EED: variants seen among roughly 807,000 people sequenced by gnomAD.
EED encodes the protein polycomb protein EED.
Under a neutral mutation model 61.0 loss-of-function variants are expected in EED, and 9 were observed. That is an observed-to-expected ratio of 0.15 (90% CI 0.09 to 0.26). The LOEUF (loss-of-function observed/expected upper bound fraction) is 0.26, where lower values mean the gene tolerates loss of function less well. EED is among the 10% of genes least tolerant of loss of function. The probability of loss-of-function intolerance (pLI) is 1.00; values close to 1 mark genes in which losing one functional copy is unlikely to be tolerated. For missense variants in EED, 315 were observed against 542.3 expected (o/e 0.58, Z 4.16); for synonymous variants, 187 against 174.4 (o/e 1.07, Z -0.57).
intron 9 of EED, chr11:86,276,094 G>T (rs1173144715): frequency 6.6e-6 from 1 of 151,930 alleles, no homozygotes; most frequent in Non-Finnish European, 1.5e-5. Context: ...TCTTTTTTTT[G>T]TAGGGGGTTT....
intron 6 of EED, among the ~76,000 whole-genome samples, chr11:86,261,146 T>C (rs189578979): frequency 6.6e-6 from 1 of 152,278 alleles, no homozygotes; most frequent in East Asian, 1.9e-4. Flanking sequence ...CCTGCTGAGG[T>C]AAATTCTCCA....
intron 9 of EED, among the ~76,000 whole-genome samples, chr11:86,273,837 C>T (rs1946170824): frequency 2.0e-5 from 3 of 152,108 alleles, no homozygotes; most frequent in Admixed American, 2.0e-4. Context: ...GTTTTCTTTG[C>T]CTTTAGTTTT....
Position 86,245,192 on chromosome 11 carries a change from G to C in EED, c.-38G>C, listed in dbSNP as rs1425512999. On this transcript the variant is annotated 5_prime_UTR_variant, in exon 1 of 12. Transcript: ENST00000263360. ...TTGACGGCGGTGTGGCGGAGGCCCC[G>C]CCCCAGGCGGCAGGAACCTGGAGGG... 1.3e-6 allele frequency: 2 copies of C among 1,572,498 alleles called. No homozygotes were observed. Among genetic ancestry groups the C allele is most frequent in the South Asian group, 1.1e-5 (1 of 89,448 alleles).
chr11:86,265,738 C>T (rs1216633837), intron 7 of EED: 2 of 159,186 alleles, frequency 1.3e-5, no homozygotes, highest in African/African-American at 4.8e-5. Flanking sequence ...TATCACTATT[C>T]AGCTCTTTGT....
At position 86,257,564 on chromosome 11, in the gene EED, G is replaced by C. The variant is rs2138163736; in HGVS notation, c.602G>C (p.Arg201Thr). 1 of 1,612,124 alleles carries C rather than the reference G, an allele frequency of 6.2e-7. No individual in the cohort carries two copies. Among genetic ancestry groups the C allele is most frequent in the East Asian group, 2.2e-5 (1 of 44,744 alleles). Residue 201 changes from arginine to threonine, a missense_variant, in exon 6 of 12, where the codon AGA becomes ACA. Around this residue, in one of 2 missense-constraint regions of EED, gnomAD observed 205 missense variants for 455.4 expected, o/e 0.45. Coordinates refer to ENST00000263360, the MANE Select transcript of EED (RefSeq NM_003797.5). ...NAINELKFHPRDPNLLLSVSK... is the reference protein window; with the variant it reads ...NAINELKFHPTDPNLLLSVSK... ...ATCAATGAGCTGAAATTCCATCCAAGAGATCCAAATCTTCTCCTGTCAGTA... is the reference window on the plus strand; with the variant it reads ...ATCAATGAGCTGAAATTCCATCCAACAGATCCAAATCTTCTCCTGTCAGTA...
At chr11:86,274,800 C>T (rs1004100952) in intron 9 of EED, among the ~76,000 whole-genome samples, 7 of 152,134 alleles carry the variant, frequency 4.6e-5, no homozygotes, top group Admixed American at 1.3e-4. Flanking sequence ...CACCCTAGCC[C>T]GAGAGGAGGC....
At position 86,250,287 on chromosome 11, in the gene EED, T is replaced by C; in HGVS notation, c.115-9T>C. On this transcript the variant is annotated splice_polypyrimidine_tract_variant and intron_variant, in intron 1 of 11. Coordinates refer to ENST00000263360, the MANE Select transcript of EED (RefSeq NM_003797.5). The stretch of plus-strand genomic sequence containing the variant: ...TTTCATGTAATTTTTCCTCATTTAC[T>C]GCTTACAGGATGACGCTGTCAGTAT... The C allele has an allele frequency of 1.3e-6, 2 of 1,494,140 alleles. No homozygotes were observed. Among genetic ancestry groups the C allele is most frequent in the Non-Finnish European group, 1.8e-6 (2 of 1,121,354 alleles). The allele number at this position is 1,494,140 out of a possible 1,614,324, so 92.6% of individuals were successfully genotyped here.
rs1945352743 is a variant in EED, at chr11:86,245,081, G to T, written c.-149G>T. 1.7e-6 allele frequency: 1 copy of T among 589,614 alleles called. No homozygotes were observed. Among genetic ancestry groups the T allele is most frequent in the East Asian group, 3.4e-5 (1 of 29,566 alleles). The allele number at this position is 589,614 out of a possible 1,614,324, so 36.5% of individuals were successfully genotyped here. On this transcript the variant is annotated 5_prime_UTR_variant, in exon 1 of 12. Coordinates refer to ENST00000263360, the MANE Select transcript of EED (RefSeq NM_003797.5). Reference sequence around the variant, plus strand: ...GGGTCGCACGCACGCCCGCCTCGGCGGCTGGGCGCGATTTGCGACAGTGGG... The same window carrying T: ...GGGTCGCACGCACGCCCGCCTCGGCTGCTGGGCGCGATTTGCGACAGTGGG...
At chr11:86,247,256 G>C (rs1178914894) in intron 1 of EED, among the ~76,000 whole-genome samples, 3 of 152,134 alleles carry the variant, frequency 2.0e-5, no homozygotes, top group African/African-American at 7.2e-5. Flanking sequence ...GTGTGTGTGC[G>C]TGCGCATGCC....
chr11:86,252,462 G>T (rs1467095260), intron 3 of EED, among the ~76,000 whole-genome samples: 2 of 148,510 alleles, frequency 1.3e-5, no homozygotes, highest in African/African-American at 2.5e-5. Flanking sequence ...TATGAAACAG[G>T]TTTTATACTT....
chr11:86,245,727 C>T (rs900530811), intron 1 of EED, among the ~76,000 whole-genome samples: 1 of 152,112 alleles, frequency 6.6e-6, no homozygotes, highest in Admixed American at 6.5e-5. Flanking sequence ...GAGTTAGGGA[C>T]CCTGTTAAAG....
At chr11:86,262,427 C>T (rs769437252) in intron 6 of EED, among the ~76,000 whole-genome samples, 5 of 152,220 alleles carry the variant, frequency 3.3e-5, no homozygotes, top group South Asian at 2.1e-4. Context: ...CTAAGTTCTT[C>T]ACAACTGTAT....
chr11:86,274,811 G>A (rs61904288), intron 9 of EED, among the ~76,000 whole-genome samples: 436 of 152,308 alleles, frequency 2.9e-3, no homozygotes, highest in African/African-American at 1.0e-2. Context: ...GAGAGGAGGC[G>A]GGTCACCCCA....
At chr11:86,276,871 C>A in intron 9 of EED, 109 bp from the exon 10 acceptor site, 2 of 941,340 alleles carry the variant, frequency 2.1e-6, no homozygotes, top group East Asian at 2.8e-5. Context: ...ATGGATTAAC[C>A]AGGTTCTAAG....
Position 86,278,695 on chromosome 11 carries a change from C to T in EED, c.*170C>T. The T allele has an allele frequency of 1.3e-6, 1 of 755,838 alleles. No homozygotes were observed. Among genetic ancestry groups the T allele is most frequent in the Non-Finnish European group, 1.9e-6 (1 of 529,494 alleles). 46.8% of individuals were successfully genotyped at this position (755,838 alleles called of 1,614,324 possible). A position where few individuals can be genotyped will look rare whatever the true frequency, so the allele number is the denominator to read the frequency against. On this transcript the variant is annotated 3_prime_UTR_variant, in exon 12 of 12. Transcript: ENST00000263360. Reference sequence around the variant, plus strand: ...TTGTTTACATTCTTTGTACTGTCTTCCTGCTCAGACTCTACTGCTTTTAAT... The same window carrying T: ...TTGTTTACATTCTTTGTACTGTCTTTCTGCTCAGACTCTACTGCTTTTAAT...
rs866850759 is a variant in EED, at chr11:86,244,841, G to C, written c.-389G>C. ...GAAACGTCTTTGGAAGGAGGAAGGG[G>C]GTGAGGGAGCATCCCTTTGAGTTTC... On this transcript the variant is annotated 5_prime_UTR_variant, in exon 1 of 12. Coordinates refer to ENST00000263360, the MANE Select transcript of EED (RefSeq NM_003797.5). The C allele has an allele frequency of 8.0e-6, 2 of 248,518 alleles. No individual in the cohort carries two copies. Among genetic ancestry groups the C allele is most frequent in the Non-Finnish European group, 1.6e-5 (2 of 128,132 alleles). The allele number at this position is 248,518 out of a possible 1,614,324, so 15.4% of individuals were successfully genotyped here. A position where few individuals can be genotyped will look rare whatever the true frequency, so the allele number is the denominator to read the frequency against.
At chr11:86,247,640 T>C (rs1291515113) in intron 1 of EED, among the ~76,000 whole-genome samples, 3 of 152,232 alleles carry the variant, frequency 2.0e-5, no homozygotes, top group Non-Finnish European at 4.4e-5. Context: ...TTTTCCCCAT[T>C]TGAGTTCACA....
chr11:86,280,838 C>A (rs540492656), downstream of EED, among the ~76,000 whole-genome samples: 2 of 152,316 alleles, frequency 1.3e-5, no homozygotes, highest in South Asian at 4.1e-4. Flanking sequence ...GAGGAACATT[C>A]ATTCCTTCTA....
chr11:86,259,453 A>G (rs1308768288), intron 6 of EED, among the ~76,000 whole-genome samples: 1 of 152,084 alleles, frequency 6.6e-6, no homozygotes, highest in African/African-American at 2.4e-5. Context: ...TTAGGACTAC[A>G]GGCACGTGCC....
Sources: gnomAD v4.1 joint callset for allele counts (sites outside exome capture counted in the v4.1 genomes callset) on GRCh38, gnomAD v4.1.1 for gene constraint, gnomAD v4.1.1 regional missense constraint, MANE v1.5 for transcripts, NCBI Gene and HGNC (gene_info 2026-07-23, HGNC 2026-07-21) for gene names.